Variants in AGTRAP observed in about 807,000 individuals in gnomAD.
The protein encoded by AGTRAP is angiotensin II receptor associated protein.
Under a neutral mutation model 15.2 loss-of-function variants are expected in AGTRAP, and 7 were observed. The observed-to-expected ratio is 0.46, with a 90% CI of 0.26 to 0.87. AGTRAP has a LOEUF of 0.87. Among genes scored for constraint, AGTRAP ranks in the 40% least tolerant of loss-of-function variants. The pLI is 0.15. For synonymous variants in AGTRAP, 74 were observed against 89.6 expected, an observed-to-expected ratio of 0.83 and a Z score of 0.98; for missense variants, 187 against 213.4, an observed-to-expected ratio of 0.88 and a Z score of 0.77.
At chr1:11,737,635 T>G (rs970125176) in intron 1 of AGTRAP, among the ~76,000 whole-genome samples, 1 of 152,164 alleles carries the variant, frequency 6.6e-6, no homozygotes, top group Non-Finnish European at 1.5e-5. Context: ...TTTGAACCCA[T>G]AGGGATCAGA....
chr1:11,749,979 C>A, intron 4 of AGTRAP, 98 bp from the exon 5 acceptor site: 2 of 898,778 alleles, frequency 2.2e-6, no homozygotes, highest in Non-Finnish European at 3.5e-6. Context: ...GGATGCCCAG[C>A]CCGAGGGTGG....
At chr1:11,739,616 T>C (rs1408375669) in intron 1 of AGTRAP, among the ~76,000 whole-genome samples, 1 of 152,176 alleles carries the variant, frequency 6.6e-6, no homozygotes, top group Admixed American at 6.5e-5. Context: ...GGCTCTGTTG[T>C]TTGTAAGCTT....
intron 4 of AGTRAP, 151 bp from the exon 5 acceptor site, chr1:11,749,926 T>G (rs368510058): frequency 7.9e-6 from 5 of 630,244 alleles, no homozygotes. Context: ...CGCTAAAGGT[T>G]TAGGGCCTGG....
rs146377549 is a variant in AGTRAP at position 11,747,520 on chromosome 1, G to A, written c.143G>A (p.Arg48Gln). 1.5e-5 allele frequency: 25 copies of A among 1,614,112 alleles called. No homozygotes were observed. The highest frequency in any genetic ancestry group is 4.5e-5 in the East Asian group (2 of 44,886). Residue 48 changes from arginine to glutamine, a missense_variant, in exon 3 of 5, where the codon CGG (arginine) becomes CAG (glutamine). Arg to Gln is a conservative substitution (Grantham distance 43, BLOSUM62 1). Coordinates refer to ENST00000314340, the MANE Select transcript of AGTRAP (RefSeq NM_020350.5). ...TTGGGCGTGTGGGCTGTGGCTCAGC[G>A]GGACTCCATCGACGCCATAAGCATG... ...LALGVWAVAQ[R>Q]DSIDAISMFL... is the part of the protein sequence containing the mutation.
intron 1 of AGTRAP, among the ~76,000 whole-genome samples, chr1:11,738,200 T>G (rs571639407): frequency 2.0e-5 from 3 of 152,282 alleles, no homozygotes; most frequent in Admixed American, 1.3e-4. Flanking sequence ...CCCTGTGGCC[T>G]GCACTCCCTC....
intron 1 of AGTRAP, among the ~76,000 whole-genome samples, chr1:11,736,480 C>T (rs1011783428): frequency 3.9e-4 from 60 of 152,328 alleles, no homozygotes; most frequent in African/African-American, 1.4e-3. Flanking sequence ...CAAGGGCCGC[C>T]CCCTCCCGGA....
At chr1:11,749,839 A>G (rs1340005680) in intron 4 of AGTRAP, among the ~76,000 whole-genome samples, 6 of 152,110 alleles carry the variant, frequency 3.9e-5, no homozygotes, top group Admixed American at 3.9e-4. Context: ...TTTGACCCAC[A>G]GTCTCCTCAT....
In AGTRAP at chr1:11,750,310, G is replaced by A. The variant is rs1231347743; in HGVS notation, c.*118G>A. 1 of 948,694 alleles carries A rather than the reference G, an allele frequency of 1.1e-6. No homozygotes were observed. The highest frequency in any genetic ancestry group is 2.6e-5 in the East Asian group (1 of 38,304). The allele number at this position is 948,694 out of a possible 1,614,324, so 58.8% of individuals were successfully genotyped here. Reference sequence around the variant, plus strand: ...AAGATGGAATGTGTCCCCAGCTCAGGGATTGCCTGAACCAAGAGGCCAGGA... The same window carrying A: ...AAGATGGAATGTGTCCCCAGCTCAGAGATTGCCTGAACCAAGAGGCCAGGA... On this transcript the variant is annotated 3_prime_UTR_variant, in exon 5 of 5. Transcript: ENST00000314340.
In AGTRAP at chr1:11,747,687, C is replaced by T. The variant is rs1642199519; in HGVS notation, c.168+142C>T. ...TTCCCATTGTCTAAAGCCTGTTCAT[C>T]AGCCTCCTGGGCTCCGGCCCATGCC... On this transcript the variant is annotated intron_variant, in intron 3 of 4. Transcript: ENST00000314340. 4.9e-5 allele frequency: 43 copies of T among 880,760 alleles called. No homozygotes were observed. In the South Asian group the frequency reaches 6.1e-4, roughly 12 times the overall value. The allele number at this position is 880,760 out of a possible 1,614,324, so 54.6% of individuals were successfully genotyped here.
chr1:11,748,647 C>T, intron 4 of AGTRAP, 37 bp downstream of exon 4: 1 of 1,584,522 alleles, frequency 6.3e-7, no homozygotes, highest in Non-Finnish European at 8.6e-7. Context: ...CTCACCGCTC[C>T]CTTCTCTCCC....
At position 11,747,548 on chromosome 1, in the gene AGTRAP, G is replaced by A. The variant is rs545806751; in HGVS notation, c.168+3G>A. On this transcript the variant is annotated splice_donor_region_variant and intron_variant, in intron 3 of 4. Transcript: ENST00000314340. ...ACTCCATCGACGCCATAAGCATGGT[G>A]AGCCAGGGTGGGGGAGAGGCGGCAA... The A allele has an allele frequency of 1.2e-6, 2 of 1,613,640 alleles. No homozygotes were observed. The highest frequency in any genetic ancestry group is 1.7e-6 in the Non-Finnish European group (2 of 1,179,914).
chr1:11,748,027 C>T (rs1444116787), intron 3 of AGTRAP, among the ~76,000 whole-genome samples: 1 of 152,168 alleles, frequency 6.6e-6, no homozygotes, highest in East Asian at 1.9e-4. Context: ...CACTCCCGCA[C>T]GGGCTCTTCA....
At chr1:11,746,271 A>T in intron 2 of AGTRAP, 5 of 1,478,366 alleles carry the variant, frequency 3.4e-6, no homozygotes, top group Non-Finnish European at 4.6e-6. Context: ...CTTGAGAAGC[A>T]GGGCCAAAAT....
intron 4 of AGTRAP, among the ~76,000 whole-genome samples, chr1:11,749,069 C>T (rs904872726): frequency 5.3e-5 from 8 of 152,220 alleles, no homozygotes; most frequent in African/African-American, 1.9e-4. Context: ...AGAGCCCGTG[C>T]CAGTGTAGGC....
chr1:11,749,125 C>T (rs1252341372), intron 4 of AGTRAP, among the ~76,000 whole-genome samples: 3 of 152,220 alleles, frequency 2.0e-5, no homozygotes, highest in Non-Finnish European at 4.4e-5. Flanking sequence ...GGCACTTTCC[C>T]TGCCCACCGG....
rs1642151649 is a variant in AGTRAP at position 11,745,939 on chromosome 1, G to A, written c.62+102G>A. On this transcript the variant is annotated intron_variant, in intron 2 of 4. Transcript: ENST00000314340. The surrounding 1 kb of genome is among the most constrained non-coding windows in gnomAD (Gnocchi z 4.2). Reference sequence around the variant, plus strand: ...GCCGTGTTTTAACCAGGTCACTTTGGGCCAGACAGCTCTGCCTCTCCGGGT... The same window carrying A: ...GCCGTGTTTTAACCAGGTCACTTTGAGCCAGACAGCTCTGCCTCTCCGGGT... 1.3e-6 allele frequency: 2 copies of A among 1,497,614 alleles called. No homozygotes were observed. The highest frequency in any genetic ancestry group is 2.8e-5 in the African/African-American group (2 of 72,474). 92.8% of individuals were successfully genotyped at this position (1,497,614 alleles called of 1,614,324 possible). A position where few individuals can be genotyped will look rare whatever the true frequency, so the allele number is the denominator to read the frequency against.
At chr1:11,738,514 A>G (rs934053493) in intron 1 of AGTRAP, among the ~76,000 whole-genome samples, 1 of 152,100 alleles carries the variant, frequency 6.6e-6, no homozygotes, top group Admixed American at 6.5e-5. Flanking sequence ...TTAAAAACTC[A>G]GTAATGAGGA....
chr1:11,741,562 C>T (rs534164372), intron 1 of AGTRAP, among the ~76,000 whole-genome samples: 88 of 152,320 alleles, frequency 5.8e-4, no homozygotes, highest in Non-Finnish European at 6.9e-4. Flanking sequence ...CTACACCTCT[C>T]TTGCCTCAGT....
intron 4 of AGTRAP, among the ~76,000 whole-genome samples, chr1:11,749,024 C>T (rs1273077718): frequency 6.6e-6 from 1 of 152,230 alleles, no homozygotes; most frequent in East Asian, 1.9e-4. Context: ...GGGGTCTTCC[C>T]TCTCCTGCTG....
Sources: gnomAD v4.1 joint callset for allele counts (sites outside exome capture counted in the v4.1 genomes callset) on GRCh38, gnomAD v4.1.1 for gene constraint, Gnocchi (gnomAD v3.1) non-coding constraint, MANE v1.5 for transcripts, NCBI Gene and HGNC (gene_info 2026-07-23, HGNC 2026-07-21) for gene names.